Variants in SUPT3H observed in about 807,000 individuals in gnomAD.
The protein encoded by SUPT3H is transcription initiation protein SPT3 homolog.
SUPT3H carries 44 observed loss-of-function variants against 44.3 expected under a neutral mutation model. The ratio of observed to expected loss-of-function variants is 0.99; its 90% CI spans 0.78 to 1.28. The LOEUF (loss-of-function observed/expected upper bound fraction) is 1.28, where lower values mean the gene tolerates loss of function less well. SUPT3H is among the 50% of genes most tolerant of loss of function. The pLI, the probability that SUPT3H is intolerant of heterozygous loss-of-function variation, is 0.00. For synonymous variants in SUPT3H, 124 were observed against 125.6 expected (o/e 0.99, Z 0.09); for missense variants, 380 against 387.1 (o/e 0.98, Z 0.15).
At chr6:45,258,751 T>A (rs532796418) in intron 2 of SUPT3H, among the ~76,000 whole-genome samples, 1 of 152,200 alleles carries the variant, frequency 6.6e-6, no homozygotes, top group East Asian at 1.9e-4. Context: ...AGTAAAAAAA[T>A]TTATTTGCAC....
At chr6:45,341,374 T>A (rs1468177257) in intron 2 of SUPT3H, among the ~76,000 whole-genome samples, 1 of 152,168 alleles carries the variant, frequency 6.6e-6, no homozygotes, top group African/African-American at 2.4e-5. Context: ...GATCTATGAA[T>A]CTCAACAGAC....
At chr6:45,148,371 T>A (rs922481071) in intron 2 of SUPT3H, among the ~76,000 whole-genome samples, 1 of 152,146 alleles carries the variant, frequency 6.6e-6, no homozygotes, top group South Asian at 2.1e-4. Context: ...GATGGTACAA[T>A]CAGTTCTGCT....
chr6:45,338,410 CTG>C (rs1376538344), intron 2 of SUPT3H, among the ~76,000 whole-genome samples: 1 of 151,616 alleles, frequency 6.6e-6, no homozygotes, highest in African/African-American at 2.4e-5. Flanking sequence ...TACAATAAAA[CTG>C]GTATCATTTC....
At chr6:44,927,636 A>G (rs565325233) in intron 10 of SUPT3H, among the ~76,000 whole-genome samples, 8 of 152,310 alleles carry the variant, frequency 5.3e-5, no homozygotes, top group African/African-American at 1.9e-4. Flanking sequence ...AAGTATGTAC[A>G]CTCAGTTGCT....
intron 6 of SUPT3H, among the ~76,000 whole-genome samples, chr6:44,965,090 T>C (rs894676689): frequency 1.3e-5 from 2 of 152,230 alleles, no homozygotes; most frequent in African/African-American, 4.8e-5. Context: ...ATGTAGCTCC[T>C]ACAATTAACA....
rs141558386 is a variant in SUPT3H at position 45,217,703 on chromosome 6, C to T, written c.102-111697G>A. 2.2e-3 allele frequency among the ~76,000 whole-genome samples: 335 copies of T among 152,066 alleles called. 1 individual carries two copies. Among genetic ancestry groups the T allele is most frequent in the African/African-American group, 7.7e-3 (319 of 41,514 alleles). On this transcript the variant is annotated intron_variant, in intron 2 of 10. Transcript: ENST00000371459. ...GTCAGGAGTTCAAGACCAGTCTGAT[C>T]GACATGGCAAAATCCAGTCTCTACA...
At chr6:45,257,990 CAT>C (rs1773695439) in intron 2 of SUPT3H, among the ~76,000 whole-genome samples, 1 of 152,180 alleles carries the variant, frequency 6.6e-6, no homozygotes, top group African/African-American at 2.4e-5. Flanking sequence ...ATTTACGAAA[CAT>C]AATAATTCTC....
At chr6:44,965,020 A>G (rs370617175) in intron 6 of SUPT3H, among the ~76,000 whole-genome samples, 2 of 152,200 alleles carry the variant, frequency 1.3e-5, no homozygotes, top group African/African-American at 4.8e-5. Context: ...GTAATTTTTT[A>G]TTCCAATGTT....
At chr6:45,279,843 A>C (rs1230365915) in intron 2 of SUPT3H, among the ~76,000 whole-genome samples, 1 of 152,184 alleles carries the variant, frequency 6.6e-6, no homozygotes, top group African/African-American at 2.4e-5. Flanking sequence ...ACTCACATCC[A>C]ATAGCCTAGT....
At chr6:45,288,147 T>C (rs1021188704) in intron 2 of SUPT3H, among the ~76,000 whole-genome samples, 2 of 152,124 alleles carry the variant, frequency 1.3e-5, no homozygotes, top group Non-Finnish European at 2.9e-5. Context: ...TGACATCTTT[T>C]ATGTGCCAAA....
In SUPT3H at chr6:44,828,858, A is replaced by G. The variant is rs1321849753; in HGVS notation, c.*958T>C. 1 of 152,596 alleles carries G rather than the reference A, an allele frequency of 6.6e-6. No individual in the cohort carries two copies. Among genetic ancestry groups the G allele is most frequent in the African/African-American group, 2.4e-5 (1 of 41,454 alleles). 9.5% of individuals were successfully genotyped at this position (152,596 alleles called of 1,614,324 possible). Reference sequence around the variant, plus strand: ...TAAAGAAATAACTTTCTTTTTTGCAACTGAAGTTTAATCAGGAACTGTACA... The same window carrying G: ...TAAAGAAATAACTTTCTTTTTTGCAGCTGAAGTTTAATCAGGAACTGTACA... On this transcript the variant is annotated 3_prime_UTR_variant, in exon 11 of 11. Transcript: ENST00000371459.
intron 2 of SUPT3H, among the ~76,000 whole-genome samples, chr6:45,358,616 A>G (rs752288942): frequency 2.3e-4 from 35 of 152,148 alleles, no homozygotes; most frequent in Admixed American, 4.6e-4. Context: ...GAACTACACT[A>G]TGTGTTTTAA....
At position 44,974,451 on chromosome 6, in the gene SUPT3H, C is replaced by A. The variant is rs531999927; in HGVS notation, c.505-12623G>T. ...GTCCTCCAATATTCTTTCTCCTCTG[C>A]AAAGTACTTCTCAATGAAATACCAA... On this transcript the variant is annotated intron_variant, in intron 6 of 10. Transcript: ENST00000371459. Among the ~76,000 whole-genome samples, 4 of 152,180 alleles carry A rather than the reference C, an allele frequency of 2.6e-5. No individual in the cohort carries two copies. In the South Asian group the frequency reaches 8.3e-4, roughly 32 times the overall value.
chr6:45,142,736 C>CAAAAAAAAAAAAAAAAAAAAAAAAA (rs70993502), intron 2 of SUPT3H, among the ~76,000 whole-genome samples: 1 of 14,966 alleles, frequency 6.7e-5, no homozygotes, highest in Non-Finnish European at 1.1e-4. Flanking sequence ...AACTCCGTCT[C>CAAAAAAAAAAAAAAAAAAAAAAAAA]AAAAAAAAAA....
chr6:45,005,753 CTTTTA>C (rs1327413944), intron 5 of SUPT3H, among the ~76,000 whole-genome samples: 4 of 148,916 alleles, frequency 2.7e-5, no homozygotes, highest in Non-Finnish European at 1.5e-5. Flanking sequence ...TTCATTTTTT[CTTTTA>C]TAACTTTTGT....
intron 3 of SUPT3H, among the ~76,000 whole-genome samples, chr6:45,082,807 C>A (rs1795986588): frequency 1.3e-5 from 2 of 151,926 alleles, no homozygotes; most frequent in South Asian, 4.2e-4. Flanking sequence ...TAAAAGGCAC[C>A]CAAATAGGAA....
At chr6:44,936,312 T>C (rs1407106452) in intron 9 of SUPT3H, among the ~76,000 whole-genome samples, 1 of 152,258 alleles carries the variant, frequency 6.6e-6, no homozygotes, top group African/African-American at 2.4e-5. Context: ...TGTTAAAATG[T>C]AGTTCTTATA....
At chr6:44,977,085 A>G (rs1778441186) in intron 6 of SUPT3H, among the ~76,000 whole-genome samples, 1 of 152,268 alleles carries the variant, frequency 6.6e-6, no homozygotes, top group Non-Finnish European at 1.5e-5. Context: ...CTAGTTCATA[A>G]GCAAGAAGCT....
Position 45,153,125 on chromosome 6 carries a change from A to G in SUPT3H, c.102-47119T>C, listed in dbSNP as rs558435571. On this transcript the variant is annotated intron_variant, in intron 2 of 10. Coordinates refer to ENST00000371459, the MANE Select transcript of SUPT3H (RefSeq NM_003599.4). ...TTCAGATTGGCCTTTCTTGGTCATCATATTGAAAATATCAGCTTCTATCAT... is the reference window on the plus strand; with the variant it reads ...TTCAGATTGGCCTTTCTTGGTCATCGTATTGAAAATATCAGCTTCTATCAT... Among the ~76,000 whole-genome samples, 93 of 152,300 alleles carry G rather than the reference A, an allele frequency of 6.1e-4. 1 individual carries two copies. In the South Asian group the frequency reaches 0.018, roughly 30 times the overall value.
Sources: gnomAD v4.1 joint callset for allele counts (sites outside exome capture counted in the v4.1 genomes callset) on GRCh38, gnomAD v4.1.1 for gene constraint, MANE v1.5 for transcripts, NCBI Gene and HGNC (gene_info 2026-07-23, HGNC 2026-07-21) for gene names.